AAK1: variants seen among roughly 807,000 people sequenced by gnomAD.
AAK1 encodes AP2-associated protein kinase 1.
A neutral mutation model predicts 116.0 loss-of-function variants in AAK1; 37 were observed. That is an observed-to-expected ratio of 0.32 (90% CI 0.25 to 0.42). The LOEUF (loss-of-function observed/expected upper bound fraction) is 0.42, where lower values mean the gene tolerates loss of function less well. Ranked by LOEUF, AAK1 falls within the 10% of genes least tolerant of loss-of-function variation. The probability of loss-of-function intolerance (pLI) is 1.00; values close to 1 mark genes in which losing one functional copy is unlikely to be tolerated. For missense variants in AAK1, 919 were observed against 1,170.6 expected (o/e 0.79, Z 3.14); for synonymous variants, 458 against 439.9 (o/e 1.04, Z -0.51).
intron 13 of AAK1, among the ~76,000 whole-genome samples, chr2:69,510,420 G>A (rs1676350467): frequency 6.6e-6 from 1 of 152,090 alleles, no homozygotes; most frequent in Non-Finnish European, 1.5e-5. Context: ...TGGTATATAT[G>A]TACCACATTT....
rs746737165 is a variant in AAK1, at chr2:69,559,288, ACACACACACACT to A, written c.164-2322_164-2311del. ...CACACACACACACACACACACACAC[ACACACACACACT>A]CTCTCTCTCCTCAATTCTAAAATGC... On this transcript the variant is annotated intron_variant, in intron 2 of 21. Coordinates refer to ENST00000409085, the MANE Select transcript of AAK1 (RefSeq NM_014911.5). Among the ~76,000 whole-genome samples the A allele has an allele frequency of 8.4e-3, 1,122 of 133,414 alleles. 9 individuals are homozygous for A. Among genetic ancestry groups the A allele is most frequent in the Non-Finnish European group, 0.013 (814 of 62,090 alleles). 87.5% of individuals were successfully genotyped at this position (133,414 alleles called of 152,430 possible).
rs748364860 is a variant in AAK1 at position 69,520,925 on chromosome 2, C to G, written c.1119G>C (p.Gly373=). 5.0e-6 allele frequency: 8 copies of G among 1,612,294 alleles called. No individual in the cohort carries two copies. The highest frequency in any genetic ancestry group is 6.8e-6 in the Non-Finnish European group (8 of 1,179,048). Residue 373 remains glycine, a synonymous_variant, in exon 11 of 22, where the codon GGG becomes GGC. Coordinates refer to ENST00000409085, the MANE Select transcript of AAK1 (RefSeq NM_014911.5). ...GGATTCCTGGGTTCGGCTGAGTCTG[C>G]CCAGCTTTAGGCCTCTGGCGGGGTG... is the stretch of plus-strand genomic sequence containing the variant. ...SIAPRQRPKA[G]QTQPNPGILP...
At chr2:69,518,424 T>G (rs560616889) in intron 12 of AAK1, among the ~76,000 whole-genome samples, 7 of 150,738 alleles carry the variant, frequency 4.6e-5, no homozygotes, top group African/African-American at 1.7e-4. Context: ...TTTTTTTTTT[T>G]TTTTTTTTTT....
intron 2 of AAK1, among the ~76,000 whole-genome samples, chr2:69,564,186 C>T (rs1671769545): frequency 6.7e-6 from 1 of 148,562 alleles, no homozygotes; most frequent in African/African-American, 2.5e-5. Flanking sequence ...AGTGAGACTC[C>T]ATCTCAAAAA....
chr2:69,474,287 A>G lies in AAK1; in HGVS notation c.*1582T>C, dbSNP rs1372799548. The G allele has an allele frequency of 1.0e-6, 1 of 985,888 alleles. No homozygotes were observed. Among genetic ancestry groups the G allele is most frequent in the East Asian group, 1.1e-4 (1 of 8,822 alleles). 61.1% of individuals were successfully genotyped at this position (985,888 alleles called of 1,614,324 possible). On this transcript the variant is annotated 3_prime_UTR_variant, in exon 22 of 22. Transcript: ENST00000409085. ...AATTTTATTTGTACAGATCTGATTAACTAAGAGTTTCCCTTTTGATGATGG... is the reference window on the plus strand; with the variant it reads ...AATTTTATTTGTACAGATCTGATTAGCTAAGAGTTTCCCTTTTGATGATGG...
At chr2:69,564,666 CCTGGCT>C (rs1666384773) in intron 2 of AAK1, among the ~76,000 whole-genome samples, 1 of 152,174 alleles carries the variant, frequency 6.6e-6, no homozygotes, top group Non-Finnish European at 1.5e-5. Flanking sequence ...AAGTTCGAAT[CCTGGCT>C]CAGGTAAGCT....
intron 2 of AAK1, among the ~76,000 whole-genome samples, chr2:69,620,527 G>C (rs1056538205): frequency 6.6e-6 from 1 of 152,086 alleles, no homozygotes; most frequent in Non-Finnish European, 1.5e-5. Flanking sequence ...CTATAATTCC[G>C]TTTCCATCAC....
chr2:69,475,582 T>C lies in AAK1; in HGVS notation c.*287A>G. On this transcript the variant is annotated 3_prime_UTR_variant, in exon 22 of 22. Coordinates refer to ENST00000409085, the MANE Select transcript of AAK1 (RefSeq NM_014911.5). ...TTGGTGGAGTTGATTCCAGCAGAGG[T>C]GAAGCTCATGGCATCTAGTGCTTGA... 8.7e-7 allele frequency: 1 copy of C among 1,151,012 alleles called. No homozygotes were observed. The highest frequency in any genetic ancestry group is 3.2e-5 in the South Asian group (1 of 30,836). The allele number at this position is 1,151,012 out of a possible 1,614,324, so 71.3% of individuals were successfully genotyped here.
intron 3 of AAK1, among the ~76,000 whole-genome samples, chr2:69,553,958 T>C (rs1671289538): frequency 1.3e-5 from 2 of 151,190 alleles, no homozygotes; most frequent in Admixed American, 1.3e-4. Context: ...GTGCCTATAG[T>C]CCCAGCTAGT....
At position 69,626,189 on chromosome 2, in the gene AAK1, C is replaced by T. The variant is rs1559014269; in HGVS notation, c.163+16689G>A. 6.6e-5 allele frequency among the ~76,000 whole-genome samples: 10 copies of T among 152,106 alleles called. No homozygotes were observed. The South Asian group carries it at 2.1e-3, about 32-fold the overall frequency. ...TTCAACCTCTTCCTCTCTTTGATTG[C>T]TTCTTCTCTGCCTAATATACTCAAG... On this transcript the variant is annotated intron_variant, in intron 2 of 21. Transcript: ENST00000409085.
At chr2:69,548,896 C>A (rs986352974) in intron 3 of AAK1, among the ~76,000 whole-genome samples, 4 of 152,126 alleles carry the variant, frequency 2.6e-5, no homozygotes, top group African/African-American at 9.7e-5. Flanking sequence ...AGCCACCACA[C>A]CCGGCCAACA....
chr2:69,518,597 T>G (rs894029838), intron 12 of AAK1, among the ~76,000 whole-genome samples: 2 of 152,072 alleles, frequency 1.3e-5, no homozygotes, highest in Non-Finnish European at 2.9e-5. Context: ...TTTTGTATTT[T>G]TAGTAGAGAC....
chr2:69,539,886 T>G (rs747258539), intron 5 of AAK1, among the ~76,000 whole-genome samples: 6 of 152,218 alleles, frequency 3.9e-5, no homozygotes, highest in Non-Finnish European at 7.4e-5. Context: ...TATCTGGCCA[T>G]ACATTAAACC....
intron 3 of AAK1, among the ~76,000 whole-genome samples, chr2:69,545,028 CAA>C (rs61078046): frequency 1.5e-5 from 2 of 136,550 alleles, no homozygotes; most frequent in African/African-American, 5.4e-5. Flanking sequence ...GGAAATCTAC[CAA>C]AAAAAAAAAA....
rs377609592 is a variant in AAK1, at chr2:69,509,215, A to G, written c.2006+16T>C. The G allele has an allele frequency of 2.0e-5, 32 of 1,611,640 alleles. No homozygotes were observed. In the African/African-American group the frequency reaches 3.9e-4, roughly 20 times the overall value. ...GCCCACAGAGGTAAGAACAACAAAG[A>G]GGAAGCACCACATACTTGGACTTAT... On this transcript the variant is annotated intron_variant, in intron 14 of 21. Transcript: ENST00000409085.
intron 2 of AAK1, among the ~76,000 whole-genome samples, chr2:69,625,192 C>T (rs1674840863): frequency 6.6e-6 from 1 of 152,204 alleles, no homozygotes; most frequent in African/African-American, 2.4e-5. Flanking sequence ...TTGTCACACA[C>T]AGTTCTAACA....
chr2:69,500,698 T>TATATATATATAAAC, intron 16 of AAK1, among the ~76,000 whole-genome samples: 1 of 65,100 alleles, frequency 1.5e-5, no homozygotes, highest in East Asian at 5.2e-4. Context: ...TATATATATA[T>TATATATATATAAAC]ACACACACAC....
chr2:69,593,660 T>A (rs1673133977), intron 2 of AAK1, among the ~76,000 whole-genome samples: 1 of 152,218 alleles, frequency 6.6e-6, no homozygotes, highest in African/African-American at 2.4e-5. Context: ...TCTAAATATT[T>A]ATAATTAATG....
rs192819051 is a variant in AAK1 at position 69,470,707 on chromosome 2, G to A, written c.*5162C>T. ...TCATATCCAGTGTAGGCTGGCAGGC[G>A]TCTTATTCTCCTTGAGACTAAAACA... On this transcript the variant is annotated 3_prime_UTR_variant, in exon 22 of 22. Coordinates refer to ENST00000409085, the MANE Select transcript of AAK1 (RefSeq NM_014911.5). 3,165 of 985,396 alleles carry A rather than the reference G, an allele frequency of 3.2e-3. 6 individuals are homozygous for A. Among genetic ancestry groups the A allele is most frequent in the Non-Finnish European group, 3.6e-3 (3,025 of 829,916 alleles). 61.0% of individuals were successfully genotyped at this position (985,396 alleles called of 1,614,324 possible). A position where few individuals can be genotyped will look rare whatever the true frequency, so the allele number is the denominator to read the frequency against.
Sources: allele counts gnomAD v4.1 joint callset (sites outside exome capture counted in the v4.1 genomes callset), GRCh38; gene constraint gnomAD v4.1.1; transcripts MANE v1.5; gene names NCBI Gene and HGNC (gene_info 2026-07-23, HGNC 2026-07-21).